NR1I3: variants seen among roughly 807,000 people sequenced by gnomAD.
NR1I3 encodes nuclear receptor subfamily 1 group I member 3, also known as constitutive activator of retinoid response.
Under a neutral mutation model 38.4 loss-of-function variants are expected in NR1I3, and 30 were observed. The observed-to-expected ratio is 0.78, with a 90% CI of 0.58 to 1.06. The LOEUF is 1.06. Among genes scored for constraint, NR1I3 ranks in the 50% least tolerant of loss-of-function variants. NR1I3 has a pLI of 0.00. For synonymous variants in NR1I3, 143 were observed against 165.1 expected (o/e 0.87, Z 1.03); for missense variants, 388 against 435.7 (o/e 0.89, Z 0.97).
intron 3 of NR1I3, 191 bp downstream of exon 3, chr1:161,235,656 T>TG: frequency 1.7e-6 from 1 of 587,772 alleles, no homozygotes; most frequent in South Asian, 2.0e-5. Flanking sequence ...TGAAAGGTGT[T>TG]GTGGGAGAGC....
chr1:161,234,629 A>G (rs1025253586), intron 3 of NR1I3, among the ~76,000 whole-genome samples: 3 of 152,072 alleles, frequency 2.0e-5, no homozygotes, highest in Non-Finnish European at 4.4e-5. Flanking sequence ...CTGGTCTTGA[A>G]TTCCTGACCT....
At position 161,229,843 on chromosome 1, in the gene NR1I3, T is replaced by C; in HGVS notation, c.1001A>G (p.Gln334Arg). Residue 334 changes from glutamine (Q) to arginine (R), a missense_variant, in exon 9 of 9, where the codon CAG becomes CGG. Gln to Arg is a conservative substitution (Grantham distance 43). Transcript: ENST00000367983. ...EAYGYQIQHIQGLSAMMPLLQ... is the reference protein window; with the variant it reads ...EAYGYQIQHIRGLSAMMPLLQ... ...CAGCGGCATCATGGCAGACAGGCCC[T>C]GGATGTGCTGGATTTGGTACCCGTA... The C allele has an allele frequency of 6.2e-7, 1 of 1,614,168 alleles. No individual in the cohort carries two copies.
In NR1I3 at chr1:161,238,059, A is replaced by T. The variant is rs372090555; in HGVS notation, c.-52T>A. Reference sequence around the variant, plus strand: ...TTCCTACCTGCTTCTCTTAGGCAGCATGTCACCTGCAGGCCACAGAATCTG... The same window carrying T: ...TTCCTACCTGCTTCTCTTAGGCAGCTTGTCACCTGCAGGCCACAGAATCTG... On this transcript the variant is annotated 5_prime_UTR_variant, in exon 1 of 9. The change abolishes an upstream ATG in the 5' untranslated region. Transcript: ENST00000367983. 1.5e-5 allele frequency: 25 copies of T among 1,613,784 alleles called. No individual in the cohort carries two copies. The African/African-American group carries it at 3.2e-4, about 21-fold the overall frequency.
chr1:161,233,433 C>T lies in NR1I3; in HGVS notation c.239-95G>A, dbSNP rs533652005. 54 of 1,353,264 alleles carry T rather than the reference C, an allele frequency of 4.0e-5. No individual in the cohort carries two copies. In the East Asian group the frequency reaches 1.3e-3, roughly 31 times the overall value. The allele number at this position is 1,353,264 out of a possible 1,614,324, so 83.8% of individuals were successfully genotyped here. A position where few individuals can be genotyped will look rare whatever the true frequency, so the allele number is the denominator to read the frequency against. On this transcript the variant is annotated intron_variant, in intron 3 of 8. Coordinates refer to ENST00000367983, the MANE Select transcript of NR1I3 (RefSeq NM_005122.5). ...TCTGGGGCCCCTCAGCTGCCCTGCA[C>T]AACGAAGGATGGGGGCAGTGGGGGG...
In NR1I3 at chr1:161,235,863, A is replaced by T. The variant is rs1182948927; in HGVS notation, c.222T>A (p.Ala74=). 6.2e-7 allele frequency: 1 copy of T among 1,614,176 alleles called. No individual in the cohort carries two copies. Residue 74 remains alanine (A), a synonymous_variant, in exon 3 of 9, where the codon GCT becomes GCA. Coordinates refer to ENST00000367983, the MANE Select transcript of NR1I3 (RefSeq NM_005122.5). Reference sequence around the variant, plus strand: ...CCAACTCACTGTCTTTCCTCATGCCAGCATCTAAGCACTTCTGCAACCTGC... The same window carrying T: ...CCAACTCACTGTCTTTCCTCATGCCTGCATCTAAGCACTTCTGCAACCTGC... The part of the protein sequence containing the change: ...PACRLQKCLD[A]GMRKDMILSA...
intron 4 of NR1I3, 100 bp from the exon 5 acceptor site, chr1:161,233,046 T>A: frequency 1.3e-6 from 2 of 1,581,280 alleles, no homozygotes; most frequent in Non-Finnish European, 1.7e-6. Flanking sequence ...AGAAGCCTGC[T>A]CAGGCTGGGG....
At position 161,233,355 on chromosome 1, in the gene NR1I3, A is replaced by C; in HGVS notation, c.239-17T>G. The C allele has an allele frequency of 1.2e-6, 2 of 1,610,322 alleles. No individual in the cohort carries two copies. The highest frequency in any genetic ancestry group is 8.5e-7 in the Non-Finnish European group (1 of 1,179,084). On this transcript the variant is annotated splice_polypyrimidine_tract_variant and intron_variant, in intron 3 of 8. Coordinates refer to ENST00000367983, the MANE Select transcript of NR1I3 (RefSeq NM_005122.5). Reference sequence around the variant, plus strand: ...ACAGTATCACTGTGCCAGGCAAGAGATCATGACAAAGCTGTTGAGACCAGC... The same window carrying C: ...ACAGTATCACTGTGCCAGGCAAGAGCTCATGACAAAGCTGTTGAGACCAGC...
chr1:161,237,578 C>T (rs1668840646), intron 1 of NR1I3, among the ~76,000 whole-genome samples: 1 of 151,678 alleles, frequency 6.6e-6, no homozygotes, highest in East Asian at 2.0e-4. Flanking sequence ...ATTAGCTGGG[C>T]ATCGTGGCAT....
intron 2 of NR1I3, 186 bp from the exon 3 acceptor site, chr1:161,236,163 A>G (rs999757849): frequency 1.4e-6 from 1 of 713,866 alleles, no homozygotes; most frequent in Non-Finnish European, 2.3e-6. Flanking sequence ...GGATCACTCC[A>G]GAAAGCCTAG....
intron 5 of NR1I3, 72 bp downstream of exon 5, chr1:161,232,735 A>T (rs1667635520): frequency 3.4e-6 from 5 of 1,460,946 alleles, no homozygotes; most frequent in Non-Finnish European, 4.8e-6. Flanking sequence ...ATTTGTAGTC[A>T]GTGACTTTTC....
Position 161,230,614 on chromosome 1 carries a change from T to C in NR1I3, c.917+199A>G, listed in dbSNP as rs1177135643. 8 of 682,176 alleles carry C rather than the reference T, an allele frequency of 1.2e-5. No individual in the cohort carries two copies. In the East Asian group the frequency reaches 2.2e-4, roughly 19 times the overall value. 42.3% of individuals were successfully genotyped at this position (682,176 alleles called of 1,614,324 possible). On this transcript the variant is annotated intron_variant, in intron 8 of 8. Coordinates refer to ENST00000367983, the MANE Select transcript of NR1I3 (RefSeq NM_005122.5). ...AAAAAAAAATCTGGAAAAAGTGAGA[T>C]GAAACAGCAGTATCCAAATACAGCA...
Position 161,235,922 on chromosome 1 carries a change from C to A in NR1I3, c.163G>T (p.Val55Phe). ...CAGTGGCGCCTCTGAGTCTTGCTGACTTCACAGCTTCCAGCAAAGGGGCAG... is the reference window on the plus strand; with the variant it reads ...CAGTGGCGCCTCTGAGTCTTGCTGAATTCACAGCTTCCAGCAAAGGGGCAG... ...PTCPFAGSCE[V>F]SKTQRRHCPA... is the part of the protein sequence containing the mutation. The change falls in exon 3 of 9, where the codon GTC becomes TTC. Residue 55 changes from valine (V) to phenylalanine (F), a missense_variant. Transcript: ENST00000367983. The A allele has an allele frequency of 1.9e-6, 3 of 1,612,770 alleles. No individual in the cohort carries two copies. The highest frequency in any genetic ancestry group is 2.5e-6 in the Non-Finnish European group (3 of 1,179,390).
intron 3 of NR1I3, among the ~76,000 whole-genome samples, chr1:161,234,195 G>T: frequency 6.6e-6 from 1 of 150,904 alleles, no homozygotes; most frequent in East Asian, 1.9e-4. Flanking sequence ...TAGAGACGGG[G>T]TTTCACCATG....
Position 161,229,805 on chromosome 1 carries a change from A to G in NR1I3, c.1039T>C (p.Cys347Arg). 6.2e-7 allele frequency: 1 copy of G among 1,614,234 alleles called. No individual in the cohort carries two copies. The highest frequency in any genetic ancestry group is 8.5e-7 in the Non-Finnish European group (1 of 1,180,044). Residue 347 changes from cysteine (C) to arginine (R), a missense_variant, in exon 9 of 9, where the codon TGC (cysteine) becomes CGC (arginine). Transcript: ENST00000367983. ...SAMMPLLQEI[C>R]S ...AGGAAGTGAGCATGGCCTCAGCTGCAGATCTCCTGGAGCAGCGGCATCATG... is the reference window on the plus strand; with the variant it reads ...AGGAAGTGAGCATGGCCTCAGCTGCGGATCTCCTGGAGCAGCGGCATCATG...
chr1:161,232,198 C>T (rs1667486825), intron 5 of NR1I3, among the ~76,000 whole-genome samples: 1 of 151,832 alleles, frequency 6.6e-6, no homozygotes, highest in Admixed American at 6.6e-5. Context: ...GTTGGCCAGG[C>T]TGGTCTCAAA....
At chr1:161,236,328 C>T (rs866563719) in intron 2 of NR1I3, 131 bp downstream of exon 2, 4 of 1,117,720 alleles carry the variant, frequency 3.6e-6, no homozygotes, top group Non-Finnish European at 5.1e-6. Context: ...GGATGCCAGC[C>T]ACAGGGTAGT....
chr1:161,230,938 G>T lies in NR1I3; in HGVS notation c.812-20C>A. 6.2e-7 allele frequency: 1 copy of T among 1,613,916 alleles called. No individual in the cohort carries two copies. Among genetic ancestry groups the T allele is most frequent in the Non-Finnish European group, 8.5e-7 (1 of 1,179,868 alleles). The stretch of plus-strand genomic sequence containing the variant: ...GTCGGTCTGTAAGATAGGGAGCTGG[G>T]AAGGACAAGTTGGGTGGCAGGGGTG... On this transcript the variant is annotated intron_variant, in intron 7 of 8. Coordinates refer to ENST00000367983, the MANE Select transcript of NR1I3 (RefSeq NM_005122.5).
intron 3 of NR1I3, chr1:161,235,257 T>G (rs1304225204): frequency 7.9e-5 from 2 of 25,296 alleles, no homozygotes; most frequent in Non-Finnish European, 1.4e-4. Flanking sequence ...GCGCTTGGTG[T>G]TTTTTTTTTT....
chr1:161,232,790 G>A lies in NR1I3; in HGVS notation c.548+17C>T. 1 of 1,613,706 alleles carries A rather than the reference G, an allele frequency of 6.2e-7. No individual in the cohort carries two copies. On this transcript the variant is annotated intron_variant, in intron 5 of 8. Transcript: ENST00000367983. Reference sequence around the variant, plus strand: ...CTGAAGTGTTTGCCTCCTGAAAGATGAGGGGAGGTCACTCACCGGAAGACG... The same window carrying A: ...CTGAAGTGTTTGCCTCCTGAAAGATAAGGGGAGGTCACTCACCGGAAGACG...
Sources: gnomAD v4.1 joint callset for allele counts (sites outside exome capture counted in the v4.1 genomes callset) on GRCh38, gnomAD v4.1.1 for gene constraint, MANE v1.5 for transcripts, NCBI Gene and HGNC (gene_info 2026-07-23, HGNC 2026-07-21) for gene names.